The following HROB variants were observed in gnomAD, a reference collection of about 807,000 sequenced individuals.
The protein encoded by HROB is homologous recombination OB-fold protein.
HROB carries 44 observed loss-of-function variants against 61.0 expected under a neutral mutation model. That is an observed-to-expected ratio of 0.72 (90% confidence interval 0.57 to 0.93). The LOEUF (loss-of-function observed/expected upper bound fraction) is 0.93. Ranked by LOEUF, HROB falls within the 40% of genes least tolerant of loss-of-function variation. HROB has a pLI of 0.00. For synonymous variants in HROB, 301 were observed against 310.4 expected, an observed-to-expected ratio of 0.97 and a Z score of 0.32; for missense variants, 716 against 796.2, an observed-to-expected ratio of 0.90 and a Z score of 1.21.
chr17:44,157,993 T>C, intron 9 of HROB, 52 bp downstream of exon 9: 1 of 1,313,766 alleles, frequency 7.6e-7, no homozygotes. Flanking sequence ...TCCTGTTGAA[T>C]AGCTGAACCA....
At position 44,162,211 on chromosome 17, in the gene HROB, C is replaced by A; in HGVS notation, c.*279C>A. On this transcript the variant is annotated 3_prime_UTR_variant, in exon 10 of 10. Transcript: ENST00000585683. ...TCACCCTCGCCTTGGGTGTCCCTCT[C>A]CTGCCTCAGCTTAATTTTAGAGGAT... 1 of 411,036 alleles carries A rather than the reference C, an allele frequency of 2.4e-6. No individual in the cohort carries two copies. Among genetic ancestry groups the A allele is most frequent in the Non-Finnish European group, 4.4e-6 (1 of 224,772 alleles). The allele number at this position is 411,036 out of a possible 1,614,324, so 25.5% of individuals were successfully genotyped here.
intron 4 of HROB, 54 bp downstream of exon 4, chr17:44,151,098 C>G: frequency 6.6e-7 from 1 of 1,508,828 alleles, no homozygotes; most frequent in South Asian, 1.1e-5. Context: ...GAGGGGCGTC[C>G]CTGTGTGTTT....
At chr17:44,142,209 A>G (rs2143779272) in intron 1 of HROB, 64 bp downstream of exon 1, 1 of 1,433,442 alleles carries the variant, frequency 7.0e-7, no homozygotes, top group Non-Finnish European at 9.1e-7. Flanking sequence ...GGAACTGCTC[A>G]TGGGGTTCCA....
At chr17:44,144,730 A>C (rs2053561893) in intron 1 of HROB, among the ~76,000 whole-genome samples, 1 of 144,480 alleles carries the variant, frequency 6.9e-6, no homozygotes, top group Non-Finnish European at 1.5e-5. Flanking sequence ...AGTTTTTTAG[A>C]ATACTTGGGT....
In HROB at chr17:44,161,946, C is replaced by T; in HGVS notation, c.*14C>T. 6.2e-7 allele frequency: 1 copy of T among 1,612,846 alleles called. No individual in the cohort carries two copies. The highest frequency in any genetic ancestry group is 8.5e-7 in the Non-Finnish European group (1 of 1,178,840). ...ACCAGTAGTTGAGACTGCCCCAACG[C>T]AGGACAACCCACCATGAGCAGGCAG... On this transcript the variant is annotated 3_prime_UTR_variant, in exon 10 of 10. Coordinates refer to ENST00000585683, the MANE Select transcript of HROB (RefSeq NM_001171251.3).
In HROB at chr17:44,148,058, C is replaced by T. The variant is rs1446982882; in HGVS notation, c.255C>T (p.Ser85=). 6.2e-7 allele frequency: 1 copy of T among 1,614,058 alleles called. No homozygotes were observed. Among genetic ancestry groups the T allele is most frequent in the Non-Finnish European group, 8.5e-7 (1 of 1,180,054 alleles). The change falls in exon 3 of 10, where the codon AGC becomes AGT. Residue 85 remains serine (S), a synonymous_variant. Coordinates refer to ENST00000585683, the MANE Select transcript of HROB (RefSeq NM_001171251.3). ...PDLDLCLPAS[S]TPSADSRPSC... is the part of the protein sequence containing the mutation. Reference sequence around the variant, plus strand: ...TGGACCTCTGCCTCCCTGCCTCCAGCACGCCCAGTGCTGACAGCCGTCCAT... The same window carrying T: ...TGGACCTCTGCCTCCCTGCCTCCAGTACGCCCAGTGCTGACAGCCGTCCAT...
rs571259009 is a variant in HROB at position 44,144,361 on chromosome 17, G to C, written c.4-842G>C. On this transcript the variant is annotated intron_variant, in intron 1 of 9. Transcript: ENST00000585683. Reference sequence around the variant, plus strand: ...TCAATATGTTGGCCAGGCTGGTCTCGAACGCCTGACCTTGTGATCCGCCCC... The same window carrying C: ...TCAATATGTTGGCCAGGCTGGTCTCCAACGCCTGACCTTGTGATCCGCCCC... Among the ~76,000 whole-genome samples the C allele has an allele frequency of 2.6e-5, 4 of 152,096 alleles. No homozygotes were observed. In the East Asian group the frequency reaches 7.7e-4, roughly 29 times the overall value.
At chr17:44,144,016 C>T (rs1037644779) in intron 1 of HROB, among the ~76,000 whole-genome samples, 2 of 151,572 alleles carry the variant, frequency 1.3e-5, no homozygotes, top group African/African-American at 2.4e-5. Flanking sequence ...CTTGCTCTGT[C>T]GCCCAGGCTG....
chr17:44,159,746 T>C (rs1246862571), intron 9 of HROB, among the ~76,000 whole-genome samples: 1 of 152,240 alleles, frequency 6.6e-6, no homozygotes, highest in Non-Finnish European at 1.5e-5. Flanking sequence ...CAGCGTTTTT[T>C]CTGTGCACTT....
intron 8 of HROB, among the ~76,000 whole-genome samples, chr17:44,157,558 C>A (rs141426664): frequency 1.3e-5 from 2 of 151,774 alleles, no homozygotes; most frequent in Non-Finnish European, 2.9e-5. Context: ...GGATTACAGG[C>A]GTGTGCCACC....
chr17:44,155,900 G>A (rs147592001), intron 8 of HROB, among the ~76,000 whole-genome samples: 156 of 152,324 alleles, frequency 1.0e-3, no homozygotes, highest in African/African-American at 3.7e-3. Flanking sequence ...TTTAGGAACC[G>A]AGACGAGCAT....
intron 1 of HROB, among the ~76,000 whole-genome samples, chr17:44,143,103 C>T (rs930220303): frequency 1.1e-4 from 17 of 152,110 alleles, no homozygotes; most frequent in African/African-American, 3.9e-4. Context: ...CCCCAGCTAA[C>T]TTATTTCTAT....
intron 8 of HROB, among the ~76,000 whole-genome samples, chr17:44,156,694 C>T (rs568629771): frequency 2.0e-5 from 3 of 147,608 alleles, no homozygotes; most frequent in Admixed American, 1.4e-4. Flanking sequence ...AATGGAGTCT[C>T]ACTCTGTCAC....
At chr17:44,158,594 C>A (rs910398751) in intron 9 of HROB, among the ~76,000 whole-genome samples, 2 of 152,090 alleles carry the variant, frequency 1.3e-5, no homozygotes, top group African/African-American at 4.8e-5. Context: ...GCAGTCCTCC[C>A]ACCTCAGCCT....
rs2053915170 is a variant in HROB, at chr17:44,154,591, C to T, written c.1485C>T (p.Pro495=). 1 of 1,614,110 alleles carries T rather than the reference C, an allele frequency of 6.2e-7. No homozygotes were observed. Among genetic ancestry groups the T allele is most frequent in the East Asian group, 2.2e-5 (1 of 44,878 alleles). The part of the protein sequence containing the change: ...ALKQLPRNKV[P]NMAVMIKSLT... ...AGCAGCTTCCTAGGAACAAGGTCCC[C>T]AACATGGCGGTGATGATCAAGTCCC... Residue 495 remains proline (P), a synonymous_variant, in exon 6 of 10, where the codon CCC becomes CCT. Transcript: ENST00000585683.
chr17:44,148,620 T>C lies in HROB; in HGVS notation c.817T>C (p.Ser273Pro), dbSNP rs773135063. 1 of 1,613,406 alleles carries C rather than the reference T, an allele frequency of 6.2e-7. No homozygotes were observed. The highest frequency in any genetic ancestry group is 8.5e-7 in the Non-Finnish European group (1 of 1,179,962). Residue 273 changes from serine to proline, a missense_variant, in exon 3 of 10, where the codon TCC (serine) becomes CCC (proline). Physicochemically the swap from Ser to Pro is moderately conservative, Grantham distance 74. Coordinates refer to ENST00000585683, the MANE Select transcript of HROB (RefSeq NM_001171251.3). ...CCACTGGGAAGTCTGTCCGCAACGC[T>C]CCCCTGTTCAAGCACTTCAGCCTCT... Reference protein sequence around the residue: ...QLHWEVCPQRSPVQALQPLQA... With the variant: ...QLHWEVCPQRPPVQALQPLQA...
In HROB at chr17:44,141,976, C is replaced by T. The variant is rs2053454732; in HGVS notation, c.-167C>T. On this transcript the variant is annotated 5_prime_UTR_variant, in exon 1 of 10. Transcript: ENST00000585683. ...GGCCTAAGGCGCCTGCCGCCAGTCT[C>T]CTGGCGACTTTCCCTATATCGCAGA... 4 of 973,760 alleles carry T rather than the reference C, an allele frequency of 4.1e-6. No homozygotes were observed. The highest frequency in any genetic ancestry group is 3.2e-5 in the East Asian group (1 of 31,572). The allele number at this position is 973,760 out of a possible 1,614,324, so 60.3% of individuals were successfully genotyped here. A position where few individuals can be genotyped will look rare whatever the true frequency, so the allele number is the denominator to read the frequency against.
chr17:44,155,196 A>G (rs2053935551), intron 7 of HROB, 90 bp from the exon 8 acceptor site: 16 of 1,565,016 alleles, frequency 1.0e-5, no homozygotes, highest in Middle Eastern at 1.7e-4. Flanking sequence ...GGCAGAGGAC[A>G]CCAAGTGAAA....
rs757687168 is a variant in HROB at position 44,148,585 on chromosome 17, C to T, written c.782C>T (p.Thr261Ile). Residue 261 changes from threonine (T) to isoleucine (I), a missense_variant, in exon 3 of 10, where the codon ACT (threonine) becomes ATT (isoleucine). Transcript: ENST00000585683. ...GTTCCAACTGCCTTAACAGTTCCCACTCAGCAACTCCACTGGGAAGTCTGT... is the reference window on the plus strand; with the variant it reads ...GTTCCAACTGCCTTAACAGTTCCCATTCAGCAACTCCACTGGGAAGTCTGT... Reference protein sequence around the residue: ...LPVPTALTVPTQQLHWEVCPQ... With the variant: ...LPVPTALTVPIQQLHWEVCPQ... 6.2e-7 allele frequency: 1 copy of T among 1,613,966 alleles called. No homozygotes were observed. Among genetic ancestry groups the T allele is most frequent in the South Asian group, 1.1e-5 (1 of 91,084 alleles).
Sources: allele counts gnomAD v4.1 joint callset (sites outside exome capture counted in the v4.1 genomes callset), GRCh38; gene constraint gnomAD v4.1.1; transcripts MANE v1.5; gene names NCBI Gene and HGNC (gene_info 2026-07-23, HGNC 2026-07-21).